Variants in LRP1B observed in about 807,000 individuals in gnomAD.
LRP1B encodes low-density lipoprotein receptor-related protein 1B.
LRP1B carries 217 observed loss-of-function variants against 556.6 expected under a neutral mutation model. That is an observed-to-expected ratio of 0.39 (90% CI 0.35 to 0.44). The LOEUF is 0.44. Ranked by LOEUF, LRP1B falls within the 20% of genes least tolerant of loss-of-function variation. LRP1B has a pLI of 1.00. For synonymous variants in LRP1B, 2,047 were observed against 1,865.8 expected (o/e 1.10, Z -2.50); for missense variants, 5,053 against 5,620.8 (o/e 0.90, Z 3.23).
chr2:141,920,492 T>A (rs992174576), intron 1 of LRP1B, among the ~76,000 whole-genome samples: 1 of 151,846 alleles, frequency 6.6e-6, no homozygotes, highest in Non-Finnish European at 1.5e-5. Flanking sequence ...TGGAGAAAAC[T>A]TGGAGGTGAA....
intron 3 of LRP1B, among the ~76,000 whole-genome samples, chr2:141,336,829 T>G (rs1687864278): frequency 6.6e-6 from 1 of 152,188 alleles, no homozygotes; most frequent in East Asian, 1.9e-4. Flanking sequence ...AAGACTGACC[T>G]TTATGATACA....
chr2:141,096,222 C>T (rs148958049), intron 7 of LRP1B, among the ~76,000 whole-genome samples: 2,885 of 152,170 alleles, frequency 0.019, 45 homozygotes, highest in Non-Finnish European at 0.024. Context: ...GCATTACAAA[C>T]ACCAAATCAG....
intron 3 of LRP1B, among the ~76,000 whole-genome samples, chr2:141,270,362 A>C (rs1285278992): frequency 6.6e-6 from 1 of 152,094 alleles, no homozygotes; most frequent in East Asian, 1.9e-4. Flanking sequence ...AGAGAGGTAA[A>C]ATGGTGCAGC....
intron 18 of LRP1B, among the ~76,000 whole-genome samples, chr2:140,961,274 A>G (rs1335367974): frequency 6.6e-6 from 1 of 152,028 alleles, no homozygotes; most frequent in Non-Finnish European, 1.5e-5. Context: ...TCTATTTGTC[A>G]AAAGAAATTT....
rs200666839 is a variant in LRP1B at position 140,345,861 on chromosome 2, C to CAT, written c.11892+4934_11892+4935dup. Among the ~76,000 whole-genome samples the CAT allele has an allele frequency of 3.8e-3, 525 of 137,854 alleles. 13 individuals carry two copies. The highest frequency in any genetic ancestry group is 0.012 in the African/African-American group (436 of 36,768). 90.4% of individuals were successfully genotyped at this position (137,854 alleles called of 152,430 possible). On this transcript the variant is annotated intron_variant, in intron 77 of 90. Coordinates refer to ENST00000389484, the MANE Select transcript of LRP1B (RefSeq NM_018557.3). Reference sequence around the variant, plus strand: ...ATACACATACACACACACACACACACATATATATATATATATAAAAAAAAT... The same window carrying CAT: ...ATACACATACACACACACACACACACATATATATATATATATATAAAAAAAAT...
At chr2:140,684,834 G>T (rs941152099) in intron 41 of LRP1B, among the ~76,000 whole-genome samples, 1 of 152,120 alleles carries the variant, frequency 6.6e-6, no homozygotes, top group Non-Finnish European at 1.5e-5. Flanking sequence ...CCCAAGATGC[G>T]AGGGGTTGGA....
chr2:141,150,026 G>A (rs1701882022), intron 7 of LRP1B, among the ~76,000 whole-genome samples: 1 of 152,136 alleles, frequency 6.6e-6, no homozygotes, highest in Admixed American at 6.6e-5. Flanking sequence ...TGGGCACCAG[G>A]AACTTGAGGA....
intron 3 of LRP1B, among the ~76,000 whole-genome samples, chr2:141,255,919 T>C (rs944838333): frequency 6.6e-6 from 1 of 151,916 alleles, no homozygotes; most frequent in African/African-American, 2.4e-5. Context: ...AAAATTGGCT[T>C]GAGTCTATAA....
At chr2:140,963,388 A>C (rs770277553) in intron 18 of LRP1B, among the ~76,000 whole-genome samples, 1 of 151,956 alleles carries the variant, frequency 6.6e-6, no homozygotes, top group African/African-American at 2.4e-5. Context: ...TTTTTACATA[A>C]TTATTTCCTT....
intron 12 of LRP1B, among the ~76,000 whole-genome samples, chr2:141,019,659 C>T (rs993305383): frequency 6.6e-6 from 1 of 151,888 alleles, no homozygotes; most frequent in Admixed American, 6.6e-5. Context: ...GCTTAAAGTA[C>T]AGAATTATAG....
At chr2:140,887,434 A>G (rs1007625038) in intron 23 of LRP1B, among the ~76,000 whole-genome samples, 2 of 152,148 alleles carry the variant, frequency 1.3e-5, no homozygotes, top group Non-Finnish European at 2.9e-5. Context: ...TAGTCCTCCC[A>G]GAGCATTATT....
intron 2 of LRP1B, among the ~76,000 whole-genome samples, chr2:141,737,396 C>T (rs573618297): frequency 4.6e-5 from 7 of 152,164 alleles, no homozygotes; most frequent in African/African-American, 1.7e-4. Context: ...TGCCTACAGC[C>T]CAGTGCTGAC....
chr2:140,970,539 T>C (rs536687966), intron 18 of LRP1B, among the ~76,000 whole-genome samples: 185 of 152,152 alleles, frequency 1.2e-3, no homozygotes, highest in African/African-American at 4.3e-3. Flanking sequence ...TCATTCTCCA[T>C]CCAGCTTTGT....
chr2:141,694,097 C>T (rs558567462), intron 2 of LRP1B, among the ~76,000 whole-genome samples: 3 of 152,146 alleles, frequency 2.0e-5, no homozygotes, highest in African/African-American at 4.8e-5. Context: ...AAGTGGTCCA[C>T]GGTCTGCCAT....
chr2:141,819,816 T>C (rs1441724078), intron 1 of LRP1B, among the ~76,000 whole-genome samples: 1 of 152,192 alleles, frequency 6.6e-6, no homozygotes, highest in East Asian at 1.9e-4. Flanking sequence ...ATCTCATCAC[T>C]GTACAATATA....
At chr2:140,840,699 T>C (rs952703930) in intron 30 of LRP1B, among the ~76,000 whole-genome samples, 1 of 152,210 alleles carries the variant, frequency 6.6e-6, no homozygotes, top group African/African-American at 2.4e-5. Flanking sequence ...TAATGAGATC[T>C]TACATATGTC....
chr2:141,978,817 C>T (rs1458839820), intron 1 of LRP1B, among the ~76,000 whole-genome samples: 1 of 151,864 alleles, frequency 6.6e-6, no homozygotes, highest in Non-Finnish European at 1.5e-5. Context: ...TACATTTGTT[C>T]TTCTAGCATT....
chr2:141,041,024 A>G (rs768056800), intron 11 of LRP1B, among the ~76,000 whole-genome samples: 4 of 152,096 alleles, frequency 2.6e-5, no homozygotes, highest in Non-Finnish European at 4.4e-5. Flanking sequence ...TATAGCTCCT[A>G]AAAAGTACCT....
intron 6 of LRP1B, among the ~76,000 whole-genome samples, chr2:141,194,980 C>T (rs1482445264): frequency 6.6e-6 from 1 of 152,054 alleles, no homozygotes; most frequent in African/African-American, 2.4e-5. Flanking sequence ...ATAAGATATA[C>T]AGTAGTTGTG....
Sources: allele counts gnomAD v4.1 joint callset (sites outside exome capture counted in the v4.1 genomes callset), GRCh38; gene constraint gnomAD v4.1.1; transcripts MANE v1.5; gene names NCBI Gene and HGNC (gene_info 2026-07-23, HGNC 2026-07-21).